The following ZNF518B variants were observed in gnomAD, a reference collection of about 807,000 sequenced individuals.
ZNF518B encodes zinc finger protein 518B.
Under a neutral mutation model 56.3 loss-of-function variants are expected in ZNF518B, and 23 were observed. The ratio of observed to expected loss-of-function variants is 0.41; its 90% CI spans 0.29 to 0.58. ZNF518B has a LOEUF of 0.58. ZNF518B is among the 20% of genes least tolerant of loss of function. ZNF518B has a pLI of 0.32. For missense variants in ZNF518B, 1,460 were observed against 1,272.1 expected (o/e 1.15, Z -2.25); for synonymous variants, 529 against 465.9 (o/e 1.14, Z -1.74).
Position 10,446,198 on chromosome 4 carries a change from A to G in ZNF518B, c.131T>C (p.Leu44Ser). 1 of 1,614,190 alleles carries G rather than the reference A, an allele frequency of 6.2e-7. No homozygotes were observed. Among genetic ancestry groups the G allele is most frequent in the South Asian group, 1.1e-5 (1 of 91,078 alleles). The part of the protein sequence containing the change: ...RPNRQEAQTL[L>S]YQGSEAEAAM... Reference sequence around the variant, plus strand: ...AGCCTCTGCCTCTGAGCCTTGATACAAAAGGGTTTGTGCTTCTTGTCTATT... The same window carrying G: ...AGCCTCTGCCTCTGAGCCTTGATACGAAAGGGTTTGTGCTTCTTGTCTATT... The change falls in exon 3 of 3, where the codon TTG (leucine) becomes TCG (serine). Residue 44 changes from leucine to serine, a missense_variant. By Grantham distance (145) the Leu-to-Ser change is moderately radical. Coordinates refer to ENST00000326756, the MANE Select transcript of ZNF518B (RefSeq NM_053042.3).
At chr4:10,457,481 G>C (rs1469425264), upstream of ZNF518B, 1 of 152,120 alleles carries the variant, frequency 6.6e-6, no homozygotes, top group African/African-American at 2.4e-5. Flanking sequence ...CAGCGAGGCC[G>C]GCGCCTGAGG....
At chr4:10,451,577 C>G (rs2108994234) in intron 2 of ZNF518B, 1 of 152,244 alleles carries the variant, frequency 6.6e-6, no homozygotes, top group Middle Eastern at 3.4e-3. Context: ...TAAAAAAATA[C>G]CAATCACATA....
rs911532021 is a variant in ZNF518B at position 10,440,801 on chromosome 4, T to TC, written c.*2302dup. The TC allele has an allele frequency of 1.3e-5, 2 of 152,062 alleles. No individual in the cohort carries two copies. Among genetic ancestry groups the TC allele is most frequent in the African/African-American group, 4.8e-5 (2 of 41,388 alleles). The allele number at this position is 152,062 out of a possible 1,614,324, so 9.4% of individuals were successfully genotyped here. A position where few individuals can be genotyped will look rare whatever the true frequency, so the allele number is the denominator to read the frequency against. On this transcript the variant is annotated 3_prime_UTR_variant, in exon 3 of 3. Coordinates refer to ENST00000326756, the MANE Select transcript of ZNF518B (RefSeq NM_053042.3). Reference sequence around the variant, plus strand: ...GACCTGATTCAAGGCCAATTCTCAGTCCAGCTTTTCAGGAAAAAGCACTAT... The same window carrying TC: ...GACCTGATTCAAGGCCAATTCTCAGTCCCAGCTTTTCAGGAAAAAGCACTAT...
intron 2 of ZNF518B, among the ~76,000 whole-genome samples, chr4:10,448,574 C>A (rs888272469): frequency 2.6e-5 from 4 of 152,130 alleles, no homozygotes; most frequent in Admixed American, 1.3e-4. Flanking sequence ...AGCATGAAAT[C>A]AAGCCCTCAG....
intron 2 of ZNF518B, chr4:10,450,767 T>A (rs937961899): frequency 2.6e-5 from 4 of 152,138 alleles, no homozygotes; most frequent in Non-Finnish European, 4.4e-5. Flanking sequence ...AACAGCAGGG[T>A]CAGTGTTTGC....
chr4:10,453,629 T>C (rs936529676), intron 2 of ZNF518B: 1 of 151,906 alleles, frequency 6.6e-6, no homozygotes, highest in African/African-American at 2.4e-5. Context: ...ATGGTAAAAA[T>C]AAGGTAGTAT....
At chr4:10,457,758 A>G (rs1389480430), upstream of ZNF518B, among the ~76,000 whole-genome samples, 2 of 152,206 alleles carry the variant, frequency 1.3e-5, no homozygotes, top group East Asian at 3.9e-4. Context: ...GCAGTCCTGC[A>G]GTGGGTGAGT....
rs1340622171 is a variant in ZNF518B, at chr4:10,457,398, T to C, written c.-477A>G. On this transcript the variant is annotated 5_prime_UTR_variant, in exon 1 of 3. Coordinates refer to ENST00000326756, the MANE Select transcript of ZNF518B (RefSeq NM_053042.3). ...CGCAGACCGCCGGCGCCGCGCCCGC[T>C]GTAGGTCCCTACCCGGGGGGCGGAG... 5.9e-5 allele frequency: 9 copies of C among 151,920 alleles called. No homozygotes were observed. The East Asian group carries it at 9.7e-4, about 16-fold the overall frequency. 9.4% of individuals were successfully genotyped at this position (151,920 alleles called of 1,614,324 possible). A position where few individuals can be genotyped will look rare whatever the true frequency, so the allele number is the denominator to read the frequency against.
chr4:10,457,218 G>A (rs1411064616), intron 1 of ZNF518B, 99 bp downstream of exon 1: 1 of 150,118 alleles, frequency 6.7e-6, no homozygotes, highest in African/African-American at 2.4e-5. Flanking sequence ...GGCCCCGTCA[G>A]GCCCCCGCCC....
chr4:10,456,863 T>A (rs1181538795), intron 1 of ZNF518B, among the ~76,000 whole-genome samples: 2 of 151,956 alleles, frequency 1.3e-5, no homozygotes, highest in Admixed American at 6.6e-5. Flanking sequence ...GGAGGAGGCA[T>A]CCTTCATAAC....
chr4:10,447,683 C>G (rs1290855196), intron 2 of ZNF518B, among the ~76,000 whole-genome samples: 3 of 138,434 alleles, frequency 2.2e-5, no homozygotes, highest in Non-Finnish European at 3.1e-5. Flanking sequence ...GTGTTTCACT[C>G]TTGTTGCCCA....
In ZNF518B at chr4:10,445,080, C is replaced by T. The variant is rs749102049; in HGVS notation, c.1249G>A (p.Gly417Ser). Residue 417 changes from glycine to serine, a missense_variant, in exon 3 of 3, where the codon GGC becomes AGC. Gly to Ser is a moderately conservative substitution (Grantham distance 56). Transcript: ENST00000326756. ...ACTGAAGGTTGAAAACTATCAATGC[C>T]TACGAGTTTTCCAACATTCCCGTCA... ...TVDGNVGKLVGIDSFQPSVQK... is the reference protein window; with the variant it reads ...TVDGNVGKLVSIDSFQPSVQK... 2 of 1,614,196 alleles carry T rather than the reference C, an allele frequency of 1.2e-6. No homozygotes were observed. The highest frequency in any genetic ancestry group is 2.2e-5 in the South Asian group (2 of 91,088).
Position 10,443,615 on chromosome 4 carries a change from G to C in ZNF518B, c.2714C>G (p.Ala905Gly). The C allele has an allele frequency of 6.2e-7, 1 of 1,614,118 alleles. No homozygotes were observed. Among genetic ancestry groups the C allele is most frequent in the Middle Eastern group, 1.6e-4 (1 of 6,062 alleles). Residue 905 changes from alanine to glycine, a missense_variant, in exon 3 of 3, where the codon GCT (alanine) becomes GGT (glycine). Physicochemically the swap from Ala to Gly is moderately conservative, Grantham distance 60. Coordinates refer to ENST00000326756, the MANE Select transcript of ZNF518B (RefSeq NM_053042.3). ...HLSRKKNKIQ[A>G]EPSRCLKDPS... ...ATCCTTGAGACAGCGGCTAGGTTCA[G>C]CTTGAATTTTGTTTTTCTTCCTGGA...
Position 10,445,287 on chromosome 4 carries a change from T to C in ZNF518B, c.1042A>G (p.Ile348Val), listed in dbSNP as rs1308303744. The C allele has an allele frequency of 6.2e-7, 1 of 1,614,108 alleles. No individual in the cohort carries two copies. The highest frequency in any genetic ancestry group is 2.2e-5 in the East Asian group (1 of 44,884). Residue 348 changes from isoleucine (I) to valine (V), a missense_variant, in exon 3 of 3, where the codon ATA becomes GTA. By Grantham distance (29) the Ile-to-Val change is conservative. Transcript: ENST00000326756. ...GTACCATTGACAACCTTCACATCTA[T>C]CAACTGGGCTAAACAGTTTGCAGGG... ...VVPANCLAQL[I>V]DVKVVNGTQQ...
In ZNF518B at chr4:10,442,816, CAAAGA is replaced by C. The variant is rs1041284018; in HGVS notation, c.*283_*287del. The C allele has an allele frequency of 2.0e-5, 7 of 347,854 alleles. No individual in the cohort carries two copies. Among genetic ancestry groups the C allele is most frequent in the African/African-American group, 1.0e-4 (5 of 48,714 alleles). The allele number at this position is 347,854 out of a possible 1,614,324, so 21.5% of individuals were successfully genotyped here. On this transcript the variant is annotated 3_prime_UTR_variant, in exon 3 of 3. Transcript: ENST00000326756. ...TGTACTCAGAAAACGGGGTGCTAAA[CAAAGA>C]AAAGTCTCAGATCCCACTGAAAATC...
chr4:10,450,419 T>A (rs905207925), intron 2 of ZNF518B, among the ~76,000 whole-genome samples: 15 of 152,340 alleles, frequency 9.8e-5, no homozygotes, highest in African/African-American at 3.1e-4. Context: ...CTTTGTAACC[T>A]GTGTCTAGTA....
In ZNF518B at chr4:10,446,090, T is replaced by C. The variant is rs1267100630; in HGVS notation, c.239A>G (p.Lys80Arg). 1 of 1,614,198 alleles carries C rather than the reference T, an allele frequency of 6.2e-7. No individual in the cohort carries two copies. Among genetic ancestry groups the C allele is most frequent in the East Asian group, 2.2e-5 (1 of 44,886 alleles). The change falls in exon 3 of 3, where the codon AAG becomes AGG. Residue 80 changes from lysine to arginine, a missense_variant. Transcript: ENST00000326756. ...SLQDLQKGTG[K>R]DGMYVCFQCS... ...CTGGAAGCAGACATACATACCGTCCTTCCCTGTACCCTTCTGCAAATCTTG... is the reference window on the plus strand; with the variant it reads ...CTGGAAGCAGACATACATACCGTCCCTCCCTGTACCCTTCTGCAAATCTTG...
upstream of ZNF518B, among the ~76,000 whole-genome samples, chr4:10,461,056 GC>G (rs1715728542): frequency 6.6e-6 from 1 of 152,172 alleles, no homozygotes; most frequent in Non-Finnish European, 1.5e-5. Context: ...AGCTTACCTC[GC>G]CTCACAGTCC....
chr4:10,440,867 A>G lies in ZNF518B; in HGVS notation c.*2237T>C, dbSNP rs1714643912. 1 of 152,462 alleles carries G rather than the reference A, an allele frequency of 6.6e-6. No individual in the cohort carries two copies. The highest frequency in any genetic ancestry group is 1.5e-5 in the Non-Finnish European group (1 of 68,040). The allele number at this position is 152,462 out of a possible 1,614,324, so 9.4% of individuals were successfully genotyped here. On this transcript the variant is annotated 3_prime_UTR_variant, in exon 3 of 3. Transcript: ENST00000326756. ...AGATAAAAAAGTGGCAAACAAAACA[A>G]AACAAAAAAAAACCACAGCCTTTTC...
Sources: gnomAD v4.1 joint callset for allele counts (sites outside exome capture counted in the v4.1 genomes callset) on GRCh38, gnomAD v4.1.1 for gene constraint, MANE v1.5 for transcripts, NCBI Gene and HGNC (gene_info 2026-07-23, HGNC 2026-07-21) for gene names.